NAALADL2: variants seen among roughly 807,000 people sequenced by gnomAD.
NAALADL2 encodes N-acetylated alpha-linked acidic dipeptidase like 2.
NAALADL2 carries 76 observed loss-of-function variants against 87.2 expected under a neutral mutation model. That is an observed-to-expected ratio of 0.87 (90% confidence interval 0.72 to 1.05). The LOEUF is 1.05. NAALADL2 is among the 50% of genes least tolerant of loss of function. The pLI is 0.00. For missense variants in NAALADL2, 1,089 were observed against 945.8 expected, an observed-to-expected ratio of 1.15 and a Z score of -1.99; for synonymous variants, 354 against 331.0, an observed-to-expected ratio of 1.07 and a Z score of -0.75.
At position 175,528,671 on chromosome 3, in the gene NAALADL2, C is replaced by T. The variant is rs1291168325; in HGVS notation, c.1654-47370C>T. On this transcript the variant is annotated intron_variant, in intron 9 of 13. Coordinates refer to ENST00000454872, the MANE Select transcript of NAALADL2 (RefSeq NM_207015.3). ...ATAATAAGGTTATAATTATGCCTAA[C>T]ATAATACAGCTATCCTTTGCACAAC... Among the ~76,000 whole-genome samples the T allele has an allele frequency of 5.3e-5, 8 of 152,168 alleles. 1 individual carries two copies. Among genetic ancestry groups the T allele is most frequent in the Admixed American group, 2.0e-4 (3 of 15,280 alleles).
intron 9 of NAALADL2, among the ~76,000 whole-genome samples, chr3:175,564,825 G>T (rs1716848281): frequency 2.0e-5 from 3 of 152,130 alleles, no homozygotes; most frequent in African/African-American, 4.8e-5. Context: ...CGTGTTCAAA[G>T]TTTCATTTAG....
chr3:175,076,667 T>C (rs1716655999), intron 1 of NAALADL2, among the ~76,000 whole-genome samples: 1 of 152,200 alleles, frequency 6.6e-6, no homozygotes, highest in Non-Finnish European at 1.5e-5. Flanking sequence ...TGTGTTTTGA[T>C]ATCTAAATGT....
At chr3:175,461,950 G>A (rs1197924316) in intron 6 of NAALADL2, among the ~76,000 whole-genome samples, 1 of 152,106 alleles carries the variant, frequency 6.6e-6, no homozygotes, top group Admixed American at 6.6e-5. Context: ...GAGAGAGGGA[G>A]GGAAGGAGGG....
At chr3:174,617,576 T>C (rs1031121803) in intron 2 of NAALADL2, among the ~76,000 whole-genome samples, 3 of 151,634 alleles carry the variant, frequency 2.0e-5, no homozygotes, top group African/African-American at 7.2e-5. Context: ...TGTATGTAAA[T>C]AAAGGAATTG....
At chr3:175,647,980 C>T (rs900250674) in intron 11 of NAALADL2, among the ~76,000 whole-genome samples, 2 of 152,188 alleles carry the variant, frequency 1.3e-5, no homozygotes, top group Admixed American at 6.5e-5. Flanking sequence ...CCCAGTAGAT[C>T]TTTGTACTAA....
At chr3:174,529,626 A>AACATCCAGGCATTTTCAT (rs1191642684) in intron 1 of NAALADL2, among the ~76,000 whole-genome samples, 1 of 152,106 alleles carries the variant, frequency 6.6e-6, no homozygotes, top group Non-Finnish European at 1.5e-5. Flanking sequence ...GGCATTTTCG[A>AACATCCAGGCATTTTCAT]ACATCCAGGC....
At chr3:175,092,670 G>C (rs1720363283) in intron 1 of NAALADL2, among the ~76,000 whole-genome samples, 1 of 151,720 alleles carries the variant, frequency 6.6e-6, no homozygotes, top group Non-Finnish European at 1.5e-5. Context: ...GAATATAGAT[G>C]GATATTCATT....
At chr3:174,831,613 C>T (rs1417226313) in intron 3 of NAALADL2, among the ~76,000 whole-genome samples, 1 of 151,026 alleles carries the variant, frequency 6.6e-6, no homozygotes, top group Non-Finnish European at 1.5e-5. Flanking sequence ...CAGAATGATG[C>T]TGGTCTCATA....
At chr3:175,735,769 T>C (rs1340834861) in intron 11 of NAALADL2, among the ~76,000 whole-genome samples, 1 of 152,182 alleles carries the variant, frequency 6.6e-6, no homozygotes, top group Non-Finnish European at 1.5e-5. Context: ...AGCTACAAGA[T>C]GAAATTTGGG....
Position 175,254,002 on chromosome 3 carries a change from G to A in NAALADL2, c.820-2409G>A, listed in dbSNP as rs768461470. On this transcript the variant is annotated intron_variant, in intron 3 of 13. Transcript: ENST00000454872. ...TATCTTTCCAATTCCCGGGAACATTGTTGAAATGACAACAAAGGATTTAGA... is the reference window on the plus strand; with the variant it reads ...TATCTTTCCAATTCCCGGGAACATTATTGAAATGACAACAAAGGATTTAGA... Among the ~76,000 whole-genome samples the A allele has an allele frequency of 4.5e-4, 69 of 152,086 alleles. 1 individual carries two copies. The highest frequency in any genetic ancestry group is 8.5e-4 in the Non-Finnish European group (58 of 68,010).
At chr3:174,721,090 T>A (rs992621358) in intron 2 of NAALADL2, among the ~76,000 whole-genome samples, 4 of 63,754 alleles carry the variant, frequency 6.3e-5, no homozygotes, top group African/African-American at 2.8e-4. Flanking sequence ...CTTGGTAGTG[T>A]TTTTAATAAT....
intron 2 of NAALADL2, among the ~76,000 whole-genome samples, chr3:175,104,305 C>T (rs1179113630): frequency 6.6e-6 from 1 of 152,070 alleles, no homozygotes; most frequent in Admixed American, 6.6e-5. Context: ...CATGAAGAAC[C>T]ACAGAGTGTT....
intron 2 of NAALADL2, among the ~76,000 whole-genome samples, chr3:175,133,120 G>C (rs1464014528): frequency 3.4e-5 from 5 of 148,082 alleles, no homozygotes; most frequent in South Asian, 4.3e-4. Flanking sequence ...CATCTCAGAC[G>C]ATGGGCGGCC....
intron 2 of NAALADL2, among the ~76,000 whole-genome samples, chr3:174,712,411 A>C (rs916509168): frequency 1.3e-4 from 14 of 108,062 alleles, no homozygotes; most frequent in Non-Finnish European, 1.8e-4. Context: ...TTTTTGAGAC[A>C]GAGTCTTGCT....
intron 1 of NAALADL2, among the ~76,000 whole-genome samples, chr3:175,004,533 T>G (rs1015782825): frequency 1.9e-4 from 28 of 150,176 alleles, no homozygotes; most frequent in African/African-American, 6.9e-4. Flanking sequence ...CACATTATTT[T>G]TTCTTATTTT....
chr3:175,158,668 G>C (rs1416430575), intron 2 of NAALADL2, among the ~76,000 whole-genome samples: 1 of 151,972 alleles, frequency 6.6e-6, no homozygotes, highest in African/African-American at 2.4e-5. Flanking sequence ...TGTCTTCTGA[G>C]CTCCAATGTT....
intron 1 of NAALADL2, among the ~76,000 whole-genome samples, chr3:174,910,293 T>G (rs953472879): frequency 1.3e-5 from 2 of 152,122 alleles, no homozygotes; most frequent in African/African-American, 4.8e-5. Context: ...GCATGCTAAC[T>G]TAAAGTCTTT....
rs527350863 is a variant in NAALADL2 at position 175,214,618 on chromosome 3, T to C, written c.546-19313T>C. Among the ~76,000 whole-genome samples the C allele has an allele frequency of 9.8e-5, 15 of 152,290 alleles. No homozygotes were observed. In the East Asian group the frequency reaches 2.9e-3, roughly 29 times the overall value. Reference sequence around the variant, plus strand: ...TGTCATCAGAAAACCATTTTTTTCTTATAGAGTCTTCTACAGACAAGAAAC... The same window carrying C: ...TGTCATCAGAAAACCATTTTTTTCTCATAGAGTCTTCTACAGACAAGAAAC... On this transcript the variant is annotated intron_variant, in intron 2 of 13. Coordinates refer to ENST00000454872, the MANE Select transcript of NAALADL2 (RefSeq NM_207015.3).
chr3:175,043,529 A>C (rs1288627667), intron 1 of NAALADL2, among the ~76,000 whole-genome samples: 1 of 152,048 alleles, frequency 6.6e-6, no homozygotes, highest in East Asian at 1.9e-4. Context: ...GAGCCATAGC[A>C]CCTGGCCTGG....
Sources: gnomAD v4.1 joint callset for allele counts (sites outside exome capture counted in the v4.1 genomes callset) on GRCh38, gnomAD v4.1.1 for gene constraint, MANE v1.5 for transcripts, NCBI Gene and HGNC (gene_info 2026-07-23, HGNC 2026-07-21) for gene names.